GFRA2: variants seen among roughly 807,000 people sequenced by gnomAD.
GFRA2 encodes GDNF family receptor alpha 2, also known as GDNF family receptor alpha-2.
GFRA2 carries 17 observed loss-of-function variants against 48.3 expected under a neutral mutation model. The observed-to-expected ratio is 0.35, with a 90% CI of 0.24 to 0.53. The LOEUF (loss-of-function observed/expected upper bound fraction) is 0.53, where lower values mean the gene tolerates loss of function less well. Among genes scored for constraint, GFRA2 ranks in the 20% least tolerant of loss-of-function variants. The probability of loss-of-function intolerance (pLI) is 0.93; values close to 1 mark genes in which losing one functional copy is unlikely to be tolerated. For missense variants in GFRA2, 660 were observed against 637.3 expected (o/e 1.04, Z -0.38); for synonymous variants, 305 against 257.2 (o/e 1.19, Z -1.78).
At chr8:21,807,449 C>T (rs188361166) in intron 1 of GFRA2, among the ~76,000 whole-genome samples, 77 of 152,304 alleles carry the variant, frequency 5.1e-4, no homozygotes, top group African/African-American at 1.6e-3. Context: ...ACCCGGTCTG[C>T]GGTATTCTGT....
chr8:21,745,212 G>T (rs1175354212), intron 4 of GFRA2, among the ~76,000 whole-genome samples: 1 of 152,220 alleles, frequency 6.6e-6, no homozygotes, highest in Non-Finnish European at 1.5e-5. Flanking sequence ...TTCATGTGGT[G>T]CCAGGTGAGG....
intron 4 of GFRA2, among the ~76,000 whole-genome samples, chr8:21,736,622 A>G (rs574102956): frequency 6.6e-6 from 1 of 152,036 alleles, no homozygotes; most frequent in Non-Finnish European, 1.5e-5. Flanking sequence ...CAGCCTCTCA[A>G]GTGGCTGGGA....
intron 3 of GFRA2, among the ~76,000 whole-genome samples, chr8:21,753,187 A>T (rs529039033): frequency 6.6e-6 from 1 of 152,308 alleles, no homozygotes; most frequent in Non-Finnish European, 1.5e-5. Context: ...TGACAGAACA[A>T]TTTGTGCTTT....
chr8:21,777,700 G>A (rs1806776277), intron 2 of GFRA2, among the ~76,000 whole-genome samples: 1 of 152,192 alleles, frequency 6.6e-6, no homozygotes, highest in Admixed American at 6.5e-5. Flanking sequence ...AACTGGTGGT[G>A]GTAATGGCAG....
intron 1 of GFRA2, among the ~76,000 whole-genome samples, chr8:21,812,053 A>G (rs2117126876): frequency 6.6e-6 from 1 of 152,124 alleles, no homozygotes; most frequent in Middle Eastern, 3.4e-3. Flanking sequence ...GCTATCACCC[A>G]TCTGTGTTCT....
chr8:21,703,395 G>A (rs796098323), intron 6 of GFRA2, among the ~76,000 whole-genome samples: 127 of 152,012 alleles, frequency 8.4e-4, no homozygotes, highest in African/African-American at 2.9e-3. Flanking sequence ...TGCCTCCTCG[G>A]ATGTTCCCAG....
intron 4 of GFRA2, among the ~76,000 whole-genome samples, chr8:21,732,539 C>A (rs1347913230): frequency 6.6e-6 from 1 of 152,184 alleles, no homozygotes; most frequent in Non-Finnish European, 1.5e-5. Flanking sequence ...CAGGGAAGAG[C>A]CCCCAGCAGA....
At chr8:21,809,741 T>A (rs1807943448) in intron 1 of GFRA2, among the ~76,000 whole-genome samples, 1 of 152,318 alleles carries the variant, frequency 6.6e-6, no homozygotes, top group East Asian at 1.9e-4. Context: ...TGGCTGCCAA[T>A]GGCTCTTGAG....
chr8:21,755,988 G>C (rs547752801), intron 3 of GFRA2, among the ~76,000 whole-genome samples: 1 of 152,350 alleles, frequency 6.6e-6, no homozygotes, highest in African/African-American at 2.4e-5. Flanking sequence ...CCAGCCGTAG[G>C]ACGCACCTGT....
chr8:21,771,400 G>A (rs894205199), intron 3 of GFRA2, among the ~76,000 whole-genome samples: 4 of 152,178 alleles, frequency 2.6e-5, no homozygotes, highest in Non-Finnish European at 5.9e-5. Flanking sequence ...ATGTGGACAC[G>A]TCCAACATCA....
chr8:21,783,266 G>C (rs1435811072), intron 1 of GFRA2: 4 of 412,786 alleles, frequency 9.7e-6, no homozygotes, highest in Non-Finnish European at 1.9e-5. Flanking sequence ...GCTTGCTGGG[G>C]GGTGCAGGGA....
chr8:21,789,309 TCC>T (rs1360942250), upstream of GFRA2: 3 of 152,212 alleles, frequency 2.0e-5, no homozygotes, highest in African/African-American at 7.3e-5. Flanking sequence ...CCCGCAGCTC[TCC>T]CCACCCTGGG....
In GFRA2 at chr8:21,716,288, G is replaced by A. The variant is rs569526918; in HGVS notation, c.795-10247C>T. On this transcript the variant is annotated intron_variant, in intron 4 of 8. Transcript: ENST00000524240. ...CAGTGAGCCCAGATCACACTACTGC[G>A]CTCCAGCCTGGGAAACAAAGAAAAA... Among the ~76,000 whole-genome samples, 4 of 143,498 alleles carry A rather than the reference G, an allele frequency of 2.8e-5. No individual in the cohort carries two copies. In the East Asian group the frequency reaches 6.2e-4, roughly 22 times the overall value. 94.1% of individuals were successfully genotyped at this position (143,498 alleles called of 152,430 possible).
Position 21,702,958 on chromosome 8 carries a change from A to G in GFRA2, c.1065T>C (p.Phe355=). 6.5e-7 allele frequency: 1 copy of G among 1,536,916 alleles called. No homozygotes were observed. Among genetic ancestry groups the G allele is most frequent in the Non-Finnish European group, 8.7e-7 (1 of 1,148,492 alleles). ...ACACGTTCACGTCCGTGCCGTTGCC[A>G]AAGGCCTGGATGGCGTTCCCTGGGA... ...NPCLRNAIQA[F]GNGTDVNVSP... Residue 355 remains phenylalanine (F), a synonymous_variant, in exon 7 of 9, where the codon TTT becomes TTC. Transcript: ENST00000524240.
intron 4 of GFRA2, among the ~76,000 whole-genome samples, chr8:21,740,353 C>G (rs1259846611): frequency 2.6e-5 from 4 of 152,198 alleles, no homozygotes; most frequent in Non-Finnish European, 4.4e-5. Context: ...AAAGCTCTAA[C>G]CAACCAACTG....
intron 4 of GFRA2, among the ~76,000 whole-genome samples, chr8:21,734,338 C>T (rs1804346497): frequency 6.6e-6 from 1 of 152,266 alleles, no homozygotes; most frequent in Non-Finnish European, 1.5e-5. Context: ...CCCAGCCTTC[C>T]TTGCCACTCT....
chr8:21,759,540 A>AGGAAGGAG (rs1805790539), intron 3 of GFRA2, among the ~76,000 whole-genome samples: 1 of 145,546 alleles, frequency 6.9e-6, no homozygotes, highest in Non-Finnish European at 1.5e-5. Context: ...GAAGGAAGGA[A>AGGAAGGAG]GGAGGGAAGG....
At chr8:21,717,337 T>C (rs1287643018) in intron 4 of GFRA2, among the ~76,000 whole-genome samples, 2 of 152,178 alleles carry the variant, frequency 1.3e-5, no homozygotes, top group Non-Finnish European at 2.9e-5. Context: ...AGGATGTAGA[T>C]CGTGTCAATG....
chr8:21,774,349 A>G (rs6558030), intron 3 of GFRA2, among the ~76,000 whole-genome samples: 48,344 of 151,876 alleles, frequency 0.32, 7,952 homozygotes, highest in Admixed American at 0.39. Flanking sequence ...TCACTTCCCA[A>G]GGAGGATGGC....
Sources: allele counts gnomAD v4.1 joint callset (sites outside exome capture counted in the v4.1 genomes callset), GRCh38; gene constraint gnomAD v4.1.1; transcripts MANE v1.5; gene names NCBI Gene and HGNC (gene_info 2026-07-23, HGNC 2026-07-21).